The following MOSPD1 variants were observed in gnomAD, a reference collection of about 807,000 sequenced individuals.
MOSPD1 encodes the protein motile sperm domain-containing protein 1.
A neutral mutation model predicts 16.7 loss-of-function variants in MOSPD1; 5 were observed. The ratio of observed to expected loss-of-function variants is 0.30; its 90% CI spans 0.16 to 0.63. The LOEUF (loss-of-function observed/expected upper bound fraction) is 0.63. Among genes scored for constraint, MOSPD1 ranks in the 30% least tolerant of loss-of-function variants. The pLI, the probability that MOSPD1 is intolerant of heterozygous loss-of-function variation, is 0.82. For missense variants in MOSPD1, 104 were observed against 153.6 expected, an observed-to-expected ratio of 0.68 and a Z score of 1.71; for synonymous variants, 67 against 59.2, an observed-to-expected ratio of 1.13 and a Z score of -0.61.
At chrX:134,904,902 T>C (rs1269767952) in intron 1 of MOSPD1, among the ~76,000 whole-genome samples, 2 of 109,263 alleles carry the variant, frequency 1.8e-5, no homozygotes, top group Non-Finnish European at 3.8e-5. Context: ...CAACTGTCCA[T>C]TAAAAGAGGA....
chrX:134,905,726 G>C (rs1192122041), intron 1 of MOSPD1, among the ~76,000 whole-genome samples: 1 of 111,791 alleles, frequency 8.9e-6, no homozygotes, highest in Non-Finnish European at 1.9e-5. Context: ...TAAACTGTGG[G>C]CTAAACAGAA....
At chrX:134,898,962 G>A (rs1198149081) in intron 3 of MOSPD1, 128 bp downstream of exon 3, 58 of 563,591 alleles carry the variant, frequency 1.0e-4, no homozygotes, top group South Asian at 3.2e-4. Flanking sequence ...ACAAACTTTC[G>A]GCAAAAATTC....
At chrX:134,902,279 C>T (rs1017774016) in intron 1 of MOSPD1, among the ~76,000 whole-genome samples, 2 of 109,418 alleles carry the variant, frequency 1.8e-5, no homozygotes, top group African/African-American at 3.3e-5. Context: ...TGGTGGTGGG[C>T]GCCTGTAGTC....
At chrX:134,908,536 G>C (rs781392639) in intron 1 of MOSPD1, among the ~76,000 whole-genome samples, 4 of 111,711 alleles carry the variant, frequency 3.6e-5, no homozygotes, top group Non-Finnish European at 7.5e-5. Context: ...AGAAATCTGA[G>C]GCTCCAACAC....
At chrX:134,897,174 A>C in intron 3 of MOSPD1, 140 bp from the exon 4 acceptor site, 1 of 438,631 alleles carries the variant, frequency 2.3e-6, no homozygotes, top group Non-Finnish European at 3.9e-6. Context: ...CTAAGATGTT[A>C]AAAAATCACA....
intron 1 of MOSPD1, 26 bp from the exon 2 acceptor site, chrX:134,899,560 A>C: frequency 1.5e-6 from 1 of 666,097 alleles, no homozygotes; most frequent in Non-Finnish European, 2.2e-6. Context: ...GAAAGCGAGA[A>C]GAAAAGTGAA....
In MOSPD1 at chrX:134,891,487, T is replaced by A; in HGVS notation, c.602A>T (p.Tyr201Phe). ...ATCTTTAAAACCCTTACCTAAGATA[T>A]AAGCAGCCACTAATTTTTGATTCAC... is the stretch of plus-strand genomic sequence containing the variant. ...LSVNQKLVAA[Y>F]ILGLITMAIL... The change falls in exon 5 of 6, where the codon TAT becomes TTT. Residue 201 changes from tyrosine (Y) to phenylalanine (F), a missense_variant. Tyr to Phe is a conservative substitution (Grantham distance 22, BLOSUM62 3). This residue lies in a region of MOSPD1 where 15 missense variants were observed against 27.9 expected (regional missense o/e 0.54). Transcript: ENST00000370783. 2.5e-6 allele frequency: 3 copies of A among 1,210,362 alleles called. 1 individual carries two copies. The highest frequency in any genetic ancestry group is 4.4e-5 in the Admixed American group (2 of 45,872).
Position 134,888,657 on chromosome X carries a change from C to A in MOSPD1, c.*504G>T, listed in dbSNP as rs191294931. 1 of 111,955 alleles carries A rather than the reference C, an allele frequency of 8.9e-6. No individual in the cohort carries two copies. The highest frequency in any genetic ancestry group is 1.9e-5 in the Non-Finnish European group (1 of 53,208). 9.2% of individuals were successfully genotyped at this position (111,955 alleles called of 1,213,427 possible). A position where few individuals can be genotyped will look rare whatever the true frequency, so the allele number is the denominator to read the frequency against. The stretch of plus-strand genomic sequence containing the variant: ...CTTAGTACTTTATGCTTTGTTTGCC[C>A]TCTACACATTAATGGTAAAACACTT... On this transcript the variant is annotated 3_prime_UTR_variant, in exon 6 of 6. Coordinates refer to ENST00000370783, the MANE Select transcript of MOSPD1 (RefSeq NM_019556.3).
intron 4 of MOSPD1, among the ~76,000 whole-genome samples, chrX:134,891,861 G>T (rs767551612): frequency 5.4e-5 from 6 of 111,611 alleles, no homozygotes; most frequent in Non-Finnish European, 1.1e-4. Context: ...ACGTGGCATT[G>T]TGAGGTAGTG....
At chrX:134,904,867 A>G (rs2082933229) in intron 1 of MOSPD1, among the ~76,000 whole-genome samples, 2 of 110,000 alleles carry the variant, frequency 1.8e-5, no homozygotes, top group South Asian at 3.9e-4. Context: ...ATCTGAAAAA[A>G]AAAAAAAGAA....
At chrX:134,898,523 A>C (rs2082897026) in intron 3 of MOSPD1, among the ~76,000 whole-genome samples, 1 of 112,053 alleles carries the variant, frequency 8.9e-6, no homozygotes, top group African/African-American at 3.2e-5. Context: ...TTCTAAAATA[A>C]AAATTAAATA....
At chrX:134,905,374 A>AG (rs1328844548) in intron 1 of MOSPD1, among the ~76,000 whole-genome samples, 1 of 107,865 alleles carries the variant, frequency 9.3e-6, no homozygotes, top group African/African-American at 3.4e-5. Context: ...CAAAAAGAAA[A>AG]AAAAAAAAAA....
chrX:134,899,091 T>C lies in MOSPD1; in HGVS notation c.229A>G (p.Ile77Val), dbSNP rs1263526875. 8.4e-7 allele frequency: 1 copy of C among 1,195,038 alleles called. No individual in the cohort carries two copies. Among genetic ancestry groups the C allele is most frequent in the Non-Finnish European group, 1.1e-6 (1 of 882,915 alleles). ...GAVKPQCCVDIVIRHRDVRSC... is the reference protein window; with the variant it reads ...GAVKPQCCVDVVIRHRDVRSC... ...TACCAGGAATTGATCTTGACTTACATATCCACACAACACTGAGGCTTTACT... is the reference window on the plus strand; with the variant it reads ...TACCAGGAATTGATCTTGACTTACACATCCACACAACACTGAGGCTTTACT... The change falls in exon 3 of 6, where the codon ATT (isoleucine) becomes GTT (valine). Residue 77 changes from isoleucine (I) to valine (V), a missense_variant and splice_region_variant. Around this residue, in one of 3 missense-constraint regions of MOSPD1, gnomAD observed 68 missense variants for 73.1 expected, o/e 0.93. Transcript: ENST00000370783.
chrX:134,895,814 G>A (rs749538067), intron 4 of MOSPD1, among the ~76,000 whole-genome samples: 11 of 110,249 alleles, frequency 1.0e-4, no homozygotes, highest in East Asian at 2.9e-4. Context: ...GGCAAAAATC[G>A]CAATTGCTTT....
chrX:134,900,486 T>A (rs1603256071), intron 1 of MOSPD1, among the ~76,000 whole-genome samples: 2 of 111,809 alleles, frequency 1.8e-5, no homozygotes, highest in African/African-American at 6.5e-5. Context: ...TATGAAAATG[T>A]GAAGTCAGTA....
At chrX:134,912,568 G>A (rs886672538) in intron 1 of MOSPD1, among the ~76,000 whole-genome samples, 21 of 109,473 alleles carry the variant, frequency 1.9e-4, no homozygotes, top group African/African-American at 5.3e-4. Flanking sequence ...TTGATCTCCC[G>A]GGTTCAAGCA....
At chrX:134,899,576 C>A in intron 1 of MOSPD1, 42 bp from the exon 2 acceptor site, 1 of 568,035 alleles carries the variant, frequency 1.8e-6, no homozygotes, top group Non-Finnish European at 2.7e-6. Context: ...GTGAATGATC[C>A]CAATTTTCAT....
rs1192718021 is a variant in MOSPD1, at chrX:134,891,625, G to C, written c.464C>G (p.Ser155Cys). 1.7e-6 allele frequency: 2 copies of C among 1,206,959 alleles called. No individual in the cohort carries two copies. Among genetic ancestry groups the C allele is most frequent in the Non-Finnish European group, 2.2e-6 (2 of 894,448 alleles). Residue 155 changes from serine (S) to cysteine (C), a missense_variant, in exon 5 of 6, where the codon TCC becomes TGC. This residue lies in a region of MOSPD1 where 68 missense variants were observed against 73.1 expected (regional missense o/e 0.93). Coordinates refer to ENST00000370783, the MANE Select transcript of MOSPD1 (RefSeq NM_019556.3). ...QSFQPENRAV[S>C]SGPSLLTVFL... Reference sequence around the variant, plus strand: ...GACAGTTAGTAAACTAGGTCCTGAGGATACAGCTCTGTTTTCTGTAAAAAG... The same window carrying C: ...GACAGTTAGTAAACTAGGTCCTGAGCATACAGCTCTGTTTTCTGTAAAAAG...
intron 1 of MOSPD1, among the ~76,000 whole-genome samples, chrX:134,902,864 C>A (rs866903271): frequency 0.013 from 1,304 of 99,373 alleles, 12 homozygotes; most frequent in Non-Finnish European, 0.02. Context: ...AAAAAAAAAA[C>A]CAAAAAAAAA....
Sources: gnomAD v4.1 joint callset for allele counts (sites outside exome capture counted in the v4.1 genomes callset) on GRCh38, gnomAD v4.1.1 for gene constraint, gnomAD v4.1.1 regional missense constraint, MANE v1.5 for transcripts, NCBI Gene and HGNC (gene_info 2026-07-23, HGNC 2026-07-21) for gene names.